The following GABBR2 variants were observed in gnomAD, a reference collection of about 807,000 sequenced individuals.
GABBR2 encodes gamma-aminobutyric acid type B receptor subunit 2.
In GABBR2, 23 loss-of-function variants were observed where a neutral mutation model predicts 105.6. The observed-to-expected ratio is 0.22, with a 90% CI of 0.16 to 0.31. The LOEUF (loss-of-function observed/expected upper bound fraction) is 0.31. Among genes scored for constraint, GABBR2 ranks in the 10% least tolerant of loss-of-function variants. GABBR2 has a pLI of 1.00. For synonymous variants in GABBR2, 478 were observed against 499.7 expected (o/e 0.96, Z 0.58); for missense variants, 734 against 1,245.5 (o/e 0.59, Z 6.18).
chr9:98,380,676 G>A (rs1309677460), intron 11 of GABBR2, among the ~76,000 whole-genome samples: 7 of 152,212 alleles, frequency 4.6e-5, no homozygotes, highest in Non-Finnish European at 4.4e-5. Context: ...TGGAGAAACC[G>A]GCACTGACAG....
chr9:98,465,444 C>T (rs1274896022), intron 6 of GABBR2, among the ~76,000 whole-genome samples: 4 of 152,138 alleles, frequency 2.6e-5, no homozygotes, highest in East Asian at 1.9e-4. Flanking sequence ...GTTTCTAAAA[C>T]ACAAGATAGG....
chr9:98,610,632 T>C (rs1014042302), intron 1 of GABBR2, among the ~76,000 whole-genome samples: 2 of 151,826 alleles, frequency 1.3e-5, no homozygotes, highest in Admixed American at 6.6e-5. Flanking sequence ...GAGGTAGAGA[T>C]TGGAACCCTG....
At chr9:98,602,453 CTG>C (rs1310827121) in intron 1 of GABBR2, among the ~76,000 whole-genome samples, 1 of 96,726 alleles carries the variant, frequency 1.0e-5, no homozygotes, top group East Asian at 3.4e-4. Context: ...GAGCTAGACT[CTG>C]TCTCAAAAAA....
intron 7 of GABBR2, among the ~76,000 whole-genome samples, chr9:98,444,842 C>CGTGCACGTGCACATGCAT (rs1230876402): frequency 2.7e-4 from 41 of 150,666 alleles, no homozygotes; most frequent in African/African-American, 9.9e-4. Context: ...CCAACGCATG[C>CGTGCACGTGCACATGCAT]GTGCACGTGC....
At chr9:98,396,880 C>T (rs1346159986) in intron 8 of GABBR2, among the ~76,000 whole-genome samples, 2 of 152,152 alleles carry the variant, frequency 1.3e-5, no homozygotes, top group Non-Finnish European at 2.9e-5. Context: ...AGCTTCCCAC[C>T]GACCGTAATC....
intron 1 of GABBR2, among the ~76,000 whole-genome samples, chr9:98,625,739 C>T (rs550755040): frequency 6.6e-6 from 1 of 152,316 alleles, no homozygotes; most frequent in East Asian, 1.9e-4. Flanking sequence ...AATCCATATT[C>T]TCCTGTCCCC....
intron 7 of GABBR2, among the ~76,000 whole-genome samples, chr9:98,417,658 A>AC (rs1832712262): frequency 6.6e-6 from 1 of 152,084 alleles, no homozygotes; most frequent in Non-Finnish European, 1.5e-5. Flanking sequence ...AGCATGCTAG[A>AC]CCCTGCAGTG....
chr9:98,685,021 A>T (rs1830602455), intron 1 of GABBR2, among the ~76,000 whole-genome samples: 1 of 152,174 alleles, frequency 6.6e-6, no homozygotes, highest in Non-Finnish European at 1.5e-5. Context: ...TTGCCAAAGG[A>T]GATTAACATT....
chr9:98,399,144 A>T (rs1161715151), intron 8 of GABBR2, among the ~76,000 whole-genome samples: 1 of 152,058 alleles, frequency 6.6e-6, no homozygotes, highest in Admixed American at 6.6e-5. Flanking sequence ...TCATGAGGTC[A>T]GGAGTTGAAG....
At chr9:98,574,302 T>A (rs1183928519) in intron 2 of GABBR2, among the ~76,000 whole-genome samples, 1 of 152,270 alleles carries the variant, frequency 6.6e-6, no homozygotes, top group Non-Finnish European at 1.5e-5. Flanking sequence ...ACTTATAGTA[T>A]GCAATTTCCA....
intron 1 of GABBR2, among the ~76,000 whole-genome samples, chr9:98,671,127 C>T (rs893979173): frequency 6.6e-6 from 1 of 152,120 alleles, no homozygotes; most frequent in Admixed American, 6.5e-5. Context: ...TAATCCCATA[C>T]CTTTAGCAAC....
chr9:98,538,236 G>A (rs1588218153), intron 3 of GABBR2, among the ~76,000 whole-genome samples: 1 of 152,296 alleles, frequency 6.6e-6, no homozygotes, highest in East Asian at 1.9e-4. Context: ...TGAGGCCTAG[G>A]ATCTCACAGC....
intron 1 of GABBR2, among the ~76,000 whole-genome samples, chr9:98,598,506 C>T (rs1002966334): frequency 2.0e-5 from 3 of 151,828 alleles, no homozygotes; most frequent in Non-Finnish European, 4.4e-5. Flanking sequence ...AATTAAAATG[C>T]GGCATTGTTG....
rs772966955 is a variant in GABBR2, at chr9:98,290,646, TGGGGCTGACGCA to T, written c.2752_2763del (p.Cys918_Pro921del). On this transcript the variant is annotated inframe_deletion, in exon 19 of 19. Transcript: ENST00000259455. ...ACATGTCTGTGGCGGGGGCTGGCGG[TGGGGCTGACGCA>T]GGGGCTGACACAGCTGGCGTCCACG... is the stretch of plus-strand genomic sequence containing the variant. 18 of 1,436,242 alleles carry T rather than the reference TGGGGCTGACGCA, an allele frequency of 1.3e-5. No homozygotes were observed. The highest frequency in any genetic ancestry group is 3.2e-5 in the Admixed American group (1 of 31,330). 89.0% of individuals were successfully genotyped at this position (1,436,242 alleles called of 1,614,324 possible). A position where few individuals can be genotyped will look rare whatever the true frequency, so the allele number is the denominator to read the frequency against.
chr9:98,366,325 C>T (rs1182428543), intron 12 of GABBR2, among the ~76,000 whole-genome samples: 5 of 152,170 alleles, frequency 3.3e-5, no homozygotes, highest in Non-Finnish European at 7.3e-5. Context: ...GGGAACGTAG[C>T]CTTGCTCGTT....
intron 2 of GABBR2, among the ~76,000 whole-genome samples, chr9:98,544,463 C>T (rs1354802106): frequency 6.6e-6 from 1 of 152,150 alleles, no homozygotes; most frequent in African/African-American, 2.4e-5. Flanking sequence ...GAGAGACACC[C>T]CAAGACCGGT....
intron 6 of GABBR2, among the ~76,000 whole-genome samples, chr9:98,469,577 G>A (rs1043282124): frequency 1.3e-5 from 2 of 152,126 alleles, no homozygotes; most frequent in African/African-American, 4.8e-5. Context: ...GACACCTGTC[G>A]TTGGTTTAGG....
At chr9:98,475,664 T>G (rs1049572748) in intron 5 of GABBR2, among the ~76,000 whole-genome samples, 1 of 152,212 alleles carries the variant, frequency 6.6e-6, no homozygotes, top group Non-Finnish European at 1.5e-5. Flanking sequence ...CAAAGTCCAT[T>G]CTTGAAGTTC....
intron 4 of GABBR2, among the ~76,000 whole-genome samples, chr9:98,482,045 G>A (rs1424421090): frequency 6.6e-6 from 1 of 152,146 alleles, no homozygotes; most frequent in Non-Finnish European, 1.5e-5. Flanking sequence ...GACCAGCCAG[G>A]CCCTGGCCCA....
Sources: gnomAD v4.1 joint callset for allele counts (sites outside exome capture counted in the v4.1 genomes callset) on GRCh38, gnomAD v4.1.1 for gene constraint, MANE v1.5 for transcripts, NCBI Gene and HGNC (gene_info 2026-07-23, HGNC 2026-07-21) for gene names.